The following TRRAP variants were observed in gnomAD, a reference collection of about 807,000 sequenced individuals.
The protein encoded by TRRAP is transformation/transcription domain associated protein.
In TRRAP, 41 loss-of-function variants were observed where a neutral mutation model predicts 438.8. That is an observed-to-expected ratio of 0.09 (90% CI 0.07 to 0.12). The LOEUF (loss-of-function observed/expected upper bound fraction) is 0.12, where lower values mean the gene tolerates loss of function less well. Among genes scored for constraint, TRRAP ranks in the 10% least tolerant of loss-of-function variants. The pLI is 1.00. For synonymous variants in TRRAP, 1,994 were observed against 1,962.9 expected, an observed-to-expected ratio of 1.02 and a Z score of -0.42; for missense variants, 3,122 against 5,055.1, an observed-to-expected ratio of 0.62 and a Z score of 11.60.
intron 11 of TRRAP, among the ~76,000 whole-genome samples, chr7:98,901,981 A>G (rs1339444940): frequency 1.3e-5 from 2 of 152,258 alleles, no homozygotes; most frequent in African/African-American, 4.8e-5. Flanking sequence ...CATCCCAAAA[A>G]GAAACCCTGT....
chr7:98,960,588 T>G (rs1384500619), intron 45 of TRRAP, among the ~76,000 whole-genome samples: 1 of 152,136 alleles, frequency 6.6e-6, no homozygotes, highest in Non-Finnish European at 1.5e-5. Context: ...GGATATTTGT[T>G]TTTTGTTTTT....
At chr7:98,980,016 T>C (rs1792840654) in intron 58 of TRRAP, among the ~76,000 whole-genome samples, 1 of 152,190 alleles carries the variant, frequency 6.6e-6, no homozygotes, top group African/African-American at 2.4e-5. Flanking sequence ...TTGGCAAAAA[T>C]CTATCTCAAC....
chr7:99,008,316 G>A (rs1794284738), intron 69 of TRRAP, 61 bp from the exon 70 acceptor site: 1 of 1,541,398 alleles, frequency 6.5e-7, no homozygotes, highest in East Asian at 2.3e-5. Context: ...TCTGACGGTG[G>A]AGCTGAGCAC....
At chr7:98,959,933 T>G (rs1791804711) in intron 45 of TRRAP, among the ~76,000 whole-genome samples, 1 of 131,298 alleles carries the variant, frequency 7.6e-6, no homozygotes, top group Non-Finnish European at 1.5e-5. Flanking sequence ...AGACCTGGTC[T>G]CTTAAAAAAA....
intron 20 of TRRAP, among the ~76,000 whole-genome samples, chr7:98,920,259 TGAG>T (rs1254587090): frequency 6.6e-6 from 1 of 151,462 alleles, no homozygotes; most frequent in Non-Finnish European, 1.5e-5. Context: ...TCACTGGAGG[TGAG>T]GAGTTCAAGA....
chr7:98,975,044 C>G (rs544856915), intron 53 of TRRAP, among the ~76,000 whole-genome samples: 49 of 152,314 alleles, frequency 3.2e-4, no homozygotes, highest in African/African-American at 1.1e-3. Flanking sequence ...CTCCCCAGCT[C>G]TTGGTCTCCG....
chr7:98,897,997 C>T (rs1796300428), intron 8 of TRRAP, 131 bp downstream of exon 8: 1 of 1,423,200 alleles, frequency 7.0e-7, no homozygotes, highest in Middle Eastern at 1.8e-4. Context: ...CAAAGCATCA[C>T]TGGTCCTTCT....
intron 12 of TRRAP, among the ~76,000 whole-genome samples, chr7:98,904,932 G>A (rs1230098458): frequency 6.6e-6 from 1 of 152,134 alleles, no homozygotes. Flanking sequence ...CACCTGCAAC[G>A]TTATCAAGTG....
Position 98,908,860 on chromosome 7 carries a change from G to T in TRRAP, c.1248G>T (p.Gln416His). The T allele has an allele frequency of 6.2e-7, 1 of 1,613,950 alleles. No individual in the cohort carries two copies. The change falls in exon 14 of 73, where the codon CAG becomes CAT. Residue 416 changes from glutamine to histidine, a missense_variant. Coordinates refer to ENST00000456197, the MANE Select transcript of TRRAP (RefSeq NM_001375524.1). This position sits in a 1 kb window ranked among gnomAD's most constrained non-coding sequence, Gnocchi z 4.1. ...IDDESLPSSI[Q>H]TMSCKLLLNL... ...ATGAGTCCCTGCCCAGCAGCATCCA[G>T]ACCATGTCCTGCAAGCTCCTGCTGA...
chr7:98,893,236 C>T (rs1361468793), intron 5 of TRRAP, among the ~76,000 whole-genome samples: 1 of 152,212 alleles, frequency 6.6e-6, no homozygotes, highest in Admixed American at 6.5e-5. Context: ...AGGCGTGAGC[C>T]ACCTCGCCCA....
At chr7:98,989,111 A>G (rs2116787356) in intron 63 of TRRAP, 145 bp downstream of exon 63, 3 of 907,910 alleles carry the variant, frequency 3.3e-6, no homozygotes, top group South Asian at 3.4e-5. Context: ...TGTTCGAAGT[A>G]TCTTTCACAG....
At chr7:98,907,581 T>A (rs1212117293) in intron 13 of TRRAP, among the ~76,000 whole-genome samples, 1 of 152,218 alleles carries the variant, frequency 6.6e-6, no homozygotes, top group Non-Finnish European at 1.5e-5. Flanking sequence ...GACGTTAGAT[T>A]ATGTTACTCC....
At chr7:98,909,094 G>C in intron 14 of TRRAP, 132 bp downstream of exon 14, 1 of 824,846 alleles carries the variant, frequency 1.2e-6, no homozygotes, top group South Asian at 1.9e-5. Flanking sequence ...CGTGATCTCA[G>C]CTCACTGCAA....
intron 1 of TRRAP, among the ~76,000 whole-genome samples, chr7:98,879,940 C>T (rs1554402757): frequency 2.0e-5 from 3 of 152,136 alleles, no homozygotes; most frequent in Non-Finnish European, 4.4e-5. Context: ...TAGTGCAGAG[C>T]AGGATTATGC....
intron 67 of TRRAP, chr7:98,999,494 G>A (rs1793822301): frequency 1.3e-6 from 1 of 760,350 alleles, no homozygotes; most frequent in East Asian, 2.5e-5. Flanking sequence ...CTTATCGTGA[G>A]CTCAGAGGGA....
chr7:98,937,839 A>G lies in TRRAP; in HGVS notation c.4404+19A>G. ...GATGATGGTAAGCCAAATGCATTTAAACGCTCTGTAACAAACTTTCAAAAA... is the reference window on the plus strand; with the variant it reads ...GATGATGGTAAGCCAAATGCATTTAGACGCTCTGTAACAAACTTTCAAAAA... On this transcript the variant is annotated intron_variant, in intron 30 of 72. Transcript: ENST00000456197. The G allele has an allele frequency of 6.3e-7, 1 of 1,588,454 alleles. No individual in the cohort carries two copies. The highest frequency in any genetic ancestry group is 8.5e-7 in the Non-Finnish European group (1 of 1,169,908).
intron 4 of TRRAP, among the ~76,000 whole-genome samples, chr7:98,891,583 T>C (rs1308937822): frequency 6.8e-6 from 1 of 147,524 alleles, no homozygotes; most frequent in Non-Finnish European, 1.5e-5. Context: ...TTTCCCAGGC[T>C]GAAGTGCAGT....
intron 21 of TRRAP, among the ~76,000 whole-genome samples, chr7:98,922,446 T>G (rs1187261872): frequency 2.0e-5 from 3 of 152,200 alleles, no homozygotes; most frequent in Non-Finnish European, 4.4e-5. Flanking sequence ...CGCACCCTGC[T>G]GGAGTGTCCT....
In TRRAP at chr7:98,976,600, A is replaced by G. The variant is rs375624838; in HGVS notation, c.8077A>G (p.Ile2693Val). 1.6e-5 allele frequency: 26 copies of G among 1,614,002 alleles called. No homozygotes were observed. The highest frequency in any genetic ancestry group is 1.5e-4 in the South Asian group (14 of 91,086). Residue 2693 changes from isoleucine (I) to valine (V), a missense_variant, in exon 55 of 73, where the codon ATC becomes GTC. Coordinates refer to ENST00000456197, the MANE Select transcript of TRRAP (RefSeq NM_001375524.1). This position sits in a 1 kb window ranked among gnomAD's most constrained non-coding sequence, Gnocchi z 4.6. ...VEAMSQCVPP[I>V]PIRPCVLKYL... Reference sequence around the variant, plus strand: ...AGCCATGTCCCAGTGCGTGCCGCCAATCCCCATCCGACCCTGCGTCCTGAA... The same window carrying G: ...AGCCATGTCCCAGTGCGTGCCGCCAGTCCCCATCCGACCCTGCGTCCTGAA...
Sources: gnomAD v4.1 joint callset for allele counts (sites outside exome capture counted in the v4.1 genomes callset) on GRCh38, gnomAD v4.1.1 for gene constraint, Gnocchi (gnomAD v3.1) non-coding constraint, MANE v1.5 for transcripts, NCBI Gene and HGNC (gene_info 2026-07-23, HGNC 2026-07-21) for gene names.